Variants in ARRDC1 observed in about 807,000 individuals in gnomAD.
ARRDC1 encodes arrestin domain containing 1, also known as arrestin domain-containing protein 1.
ARRDC1 carries 37 observed loss-of-function variants against 40.1 expected under a neutral mutation model. The ratio of observed to expected loss-of-function variants is 0.92; its 90% CI spans 0.71 to 1.21. The LOEUF is 1.21. Ranked by LOEUF, ARRDC1 falls within the 50% of genes most tolerant of loss-of-function variation. The probability of loss-of-function intolerance (pLI) is 0.00; values close to 1 mark genes in which losing one functional copy is unlikely to be tolerated. For missense variants in ARRDC1, 641 were observed against 581.9 expected (o/e 1.10, Z -1.04); for synonymous variants, 310 against 262.5 (o/e 1.18, Z -1.75).
At chr9:137,609,458 T>A (rs961999995) in intron 1 of ARRDC1, among the ~76,000 whole-genome samples, 4 of 152,058 alleles carry the variant, frequency 2.6e-5, no homozygotes, top group African/African-American at 4.8e-5. Context: ...GGCCTGGAAC[T>A]CCGAACCTCA....
chr9:137,608,214 C>T (rs547841697), intron 1 of ARRDC1, among the ~76,000 whole-genome samples: 1 of 152,186 alleles, frequency 6.6e-6, no homozygotes, highest in Non-Finnish European at 1.5e-5. Flanking sequence ...ATCTCCTGAC[C>T]TCGTGATCCG....
At chr9:137,610,458 C>T (rs943061266) in intron 1 of ARRDC1, among the ~76,000 whole-genome samples, 7 of 152,100 alleles carry the variant, frequency 4.6e-5, no homozygotes, top group South Asian at 2.1e-4. Context: ...TGCATTTGTG[C>T]GATCTCAGCT....
chr9:137,612,547 C>T, intron 1 of ARRDC1: 1 of 289,616 alleles, frequency 3.5e-6, no homozygotes, highest in South Asian at 3.3e-5. Flanking sequence ...TCCCGAGTGT[C>T]TCCTGTAGGC....
intron 2 of ARRDC1, 36 bp from the exon 3 acceptor site, chr9:137,613,424 G>C (rs1407726700): frequency 2.5e-6 from 4 of 1,602,804 alleles, no homozygotes; most frequent in Non-Finnish European, 3.4e-6. Flanking sequence ...CCACCTCAGG[G>C]GGGGACTGCC....
chr9:137,609,263 C>G (rs1418590673), intron 1 of ARRDC1, among the ~76,000 whole-genome samples: 2 of 152,136 alleles, frequency 1.3e-5, no homozygotes, highest in East Asian at 3.9e-4. Flanking sequence ...ATTTACGTTG[C>G]TCTTGTTACC....
chr9:137,614,120 G>A lies in ARRDC1; in HGVS notation c.524G>A (p.Arg175His), dbSNP rs760915494. ...SVVLTASTDL[R>H]GYVVGQALQL... ...GTCCTCACAGCCAGCACTGATCTCCGCGGCTATGTGGTGGGGCAGGCACTG... is the reference window on the plus strand; with the variant it reads ...GTCCTCACAGCCAGCACTGATCTCCACGGCTATGTGGTGGGGCAGGCACTG... The change falls in exon 5 of 8, where the codon CGC becomes CAC. Residue 175 changes from arginine to histidine, a missense_variant. Transcript: ENST00000371421. 1.8e-5 allele frequency: 29 copies of A among 1,613,634 alleles called. No individual in the cohort carries two copies. The highest frequency in any genetic ancestry group is 1.6e-4 in the Middle Eastern group (1 of 6,084).
At chr9:137,607,630 C>T (rs770300811) in intron 1 of ARRDC1, among the ~76,000 whole-genome samples, 12 of 152,230 alleles carry the variant, frequency 7.9e-5, no homozygotes, top group Non-Finnish European at 1.8e-4. Context: ...CCACGTGCCA[C>T]GGGCCAGCCT....
At chr9:137,609,347 G>A (rs962362118) in intron 1 of ARRDC1, among the ~76,000 whole-genome samples, 4 of 152,032 alleles carry the variant, frequency 2.6e-5, no homozygotes, top group Non-Finnish European at 2.9e-5. Flanking sequence ...TGATTCTTCT[G>A]CCTCAGACTC....
At chr9:137,612,111 G>GTACTTCTGCTGCGTC (rs1461430558) in intron 1 of ARRDC1, 2 of 152,654 alleles carry the variant, frequency 1.3e-5, no homozygotes, top group Middle Eastern at 3.4e-3. Flanking sequence ...TGTGCTGTGT[G>GTACTTCTGCTGCGTC]TACTTCTGCT....
intron 4 of ARRDC1, 86 bp downstream of exon 4, chr9:137,613,855 C>A: frequency 6.4e-7 from 1 of 1,566,012 alleles, no homozygotes; most frequent in Non-Finnish European, 8.7e-7. Flanking sequence ...TTCATCCCAG[C>A]GTCCTGTCCC....
chr9:137,613,907 CTT>C (rs1842595297), intron 4 of ARRDC1, 123 bp from the exon 5 acceptor site: 2 of 1,535,402 alleles, frequency 1.3e-6, no homozygotes, highest in Non-Finnish European at 1.8e-6. Context: ...GCAGTGGCCT[CTT>C]TGCCCTGAGC....
chr9:137,613,706 C>G lies in ARRDC1; in HGVS notation c.372C>G (p.His124Gln). The G allele has an allele frequency of 6.2e-7, 1 of 1,614,218 alleles. No homozygotes were observed. The highest frequency in any genetic ancestry group is 8.5e-7 in the Non-Finnish European group (1 of 1,180,040). The part of the protein sequence containing the change: ...AIHTPRFSKD[H>Q]KCSLVFYILS... ...ACACGCCACGGTTTTCCAAGGATCA[C>G]AAGTGCAGCCTCGTGTTCTATATCT... The change falls in exon 4 of 8, where the codon CAC becomes CAG. Residue 124 changes from histidine to glutamine, a missense_variant. By Grantham distance (24) the His-to-Gln change is conservative. Transcript: ENST00000371421.
chr9:137,608,268 A>G (rs1035717101), intron 1 of ARRDC1, among the ~76,000 whole-genome samples: 2 of 152,210 alleles, frequency 1.3e-5, no homozygotes, highest in African/African-American at 4.8e-5. Flanking sequence ...GGCGTGAGCC[A>G]CCGTGCCTGG....
intron 2 of ARRDC1, 37 bp from the exon 3 acceptor site, chr9:137,613,423 G>T (rs548839548): frequency 1.8e-5 from 29 of 1,602,304 alleles, no homozygotes; most frequent in South Asian, 2.2e-5. Flanking sequence ...GCCACCTCAG[G>T]GGGGGACTGC....
At chr9:137,610,180 G>A (rs971759077) in intron 1 of ARRDC1, among the ~76,000 whole-genome samples, 20 of 152,116 alleles carry the variant, frequency 1.3e-4, no homozygotes, top group Admixed American at 6.6e-4. Flanking sequence ...TAAAAGTCGC[G>A]GTCACCTCAA....
intron 1 of ARRDC1, chr9:137,612,028 C>T (rs1842533367): frequency 6.6e-6 from 1 of 152,516 alleles, no homozygotes; most frequent in Non-Finnish European, 1.5e-5. Context: ...TGACTCAGCC[C>T]TGCAGGGAGA....
chr9:137,607,414 T>C (rs1034713356), intron 1 of ARRDC1, among the ~76,000 whole-genome samples: 2 of 152,118 alleles, frequency 1.3e-5, no homozygotes. Flanking sequence ...TCGGTGACAG[T>C]CAGCACCCAG....
At position 137,612,955 on chromosome 9, in the gene ARRDC1, T is replaced by C; in HGVS notation, c.178T>C (p.Trp60Arg). 1 of 1,614,096 alleles carries C rather than the reference T, an allele frequency of 6.2e-7. No individual in the cohort carries two copies. Among genetic ancestry groups the C allele is most frequent in the Non-Finnish European group, 8.5e-7 (1 of 1,179,992 alleles). Residue 60 changes from tryptophan (W) to arginine (R), a missense_variant, in exon 2 of 8, where the codon TGG (tryptophan) becomes CGG (arginine). Coordinates refer to ENST00000371421, the MANE Select transcript of ARRDC1 (RefSeq NM_152285.4). ...GVSNKANDTA[W>R]VVEEGYFNSS... ...CTCCAACAAGGCTAATGACACAGCG[T>C]GGGTAGTGGAGGAGGGTTACTTCAA...
intron 4 of ARRDC1, 94 bp from the exon 5 acceptor site, chr9:137,613,938 G>T: frequency 6.4e-7 from 1 of 1,552,696 alleles, no homozygotes; most frequent in Non-Finnish European, 8.8e-7. Flanking sequence ...GATGTCCAGG[G>T]GCAGGGCGTG....
Sources: allele counts gnomAD v4.1 joint callset (sites outside exome capture counted in the v4.1 genomes callset), GRCh38; gene constraint gnomAD v4.1.1; transcripts MANE v1.5; gene names NCBI Gene and HGNC (gene_info 2026-07-23, HGNC 2026-07-21).